The following PCDH9 variants were observed in gnomAD, a reference collection of about 807,000 sequenced individuals.
The protein encoded by PCDH9 is protocadherin 9.
A neutral mutation model predicts 70.6 loss-of-function variants in PCDH9; 24 were observed. The observed-to-expected ratio is 0.34, with a 90% CI of 0.25 to 0.48. PCDH9 has a LOEUF of 0.48. Ranked by LOEUF, PCDH9 falls within the 20% of genes least tolerant of loss-of-function variation. PCDH9 has a pLI of 0.99. For missense variants in PCDH9, 1,281 were observed against 1,503.6 expected (o/e 0.85, Z 2.45); for synonymous variants, 562 against 558.5 (o/e 1.01, Z -0.09).
chr13:66,722,037 A>T (rs1451498549), intron 3 of PCDH9, among the ~76,000 whole-genome samples: 2 of 152,106 alleles, frequency 1.3e-5, no homozygotes, highest in African/African-American at 4.8e-5. Flanking sequence ...ATCTTCCACC[A>T]TTATCTAAAT....
intron 3 of PCDH9, among the ~76,000 whole-genome samples, chr13:66,811,385 T>C (rs1351213877): frequency 1.3e-5 from 2 of 152,210 alleles, no homozygotes; most frequent in African/African-American, 4.8e-5. Flanking sequence ...AGGTATATGA[T>C]TGTCAAAGAT....
At chr13:66,649,711 A>G (rs905629269) in intron 3 of PCDH9, among the ~76,000 whole-genome samples, 6 of 152,102 alleles carry the variant, frequency 3.9e-5, no homozygotes, top group Non-Finnish European at 5.9e-5. Context: ...TTTCTTGAGT[A>G]GAAAGACTAG....
chr13:67,171,600 C>A (rs542216899), intron 2 of PCDH9, among the ~76,000 whole-genome samples: 1 of 152,272 alleles, frequency 6.6e-6, no homozygotes, highest in South Asian at 2.1e-4. Context: ...TTATGTTATA[C>A]CTTTATCTTT....
intron 4 of PCDH9, among the ~76,000 whole-genome samples, chr13:66,504,089 C>T (rs1959191362): frequency 6.6e-6 from 1 of 152,186 alleles, no homozygotes; most frequent in Admixed American, 6.5e-5. Flanking sequence ...CCTTAATTCC[C>T]TGCCTCTCCC....
At chr13:66,630,870 A>G (rs2077561803) in intron 4 of PCDH9, 1 of 176,146 alleles carries the variant, frequency 5.7e-6, no homozygotes, top group Admixed American at 6.0e-5. Context: ...TTCATTGACT[A>G]TTCTACTTAA....
intron 4 of PCDH9, among the ~76,000 whole-genome samples, chr13:66,348,352 G>C (rs966496424): frequency 5.3e-5 from 8 of 151,486 alleles, no homozygotes; most frequent in Non-Finnish European, 1.0e-4. Flanking sequence ...ACTGCCCCAT[G>C]TCATAAACAA....
At chr13:66,507,512 T>G (rs1959243204) in intron 4 of PCDH9, among the ~76,000 whole-genome samples, 1 of 152,156 alleles carries the variant, frequency 6.6e-6, no homozygotes, top group Admixed American at 6.5e-5. Context: ...TTTGTAGCTG[T>G]TGTTTATTGT....
intron 3 of PCDH9, among the ~76,000 whole-genome samples, chr13:66,814,291 C>T (rs1409059274): frequency 6.6e-6 from 1 of 152,084 alleles, no homozygotes; most frequent in East Asian, 1.9e-4. Flanking sequence ...ATTTAAGCTC[C>T]AGCAACTGCA....
chr13:66,333,928 C>T (rs1955986350), intron 4 of PCDH9, among the ~76,000 whole-genome samples: 1 of 151,922 alleles, frequency 6.6e-6, no homozygotes, highest in Admixed American at 6.6e-5. Context: ...TACACTCTTA[C>T]TGATACATAA....
chr13:67,217,134 A>G (rs1487218871), intron 2 of PCDH9: 1 of 152,060 alleles, frequency 6.6e-6, no homozygotes, highest in Non-Finnish European at 1.5e-5. Context: ...AACCACCAGT[A>G]TTTTTCTTTC....
chr13:67,015,027 A>G (rs1489347746), intron 2 of PCDH9, among the ~76,000 whole-genome samples: 1 of 152,138 alleles, frequency 6.6e-6, no homozygotes, highest in African/African-American at 2.4e-5. Flanking sequence ...GGTCCTAGTC[A>G]AGTTTCCTTG....
At position 66,695,577 on chromosome 13, in the gene PCDH9, G is replaced by A. The variant is rs2181536; in HGVS notation, c.3139-64166C>T. Among the ~76,000 whole-genome samples the A allele has an allele frequency of 3.5e-3, 539 of 152,286 alleles. 2 individuals carry two copies. The highest frequency in any genetic ancestry group is 0.012 in the African/African-American group (506 of 41,552). ...ATTATACCATAATTACATAGCAAGA[G>A]AGGTTTTGAAATCAGTTTAGATACT... On this transcript the variant is annotated intron_variant, in intron 3 of 4. Transcript: ENST00000377865.
At chr13:67,192,024 T>A (rs2088929547) in intron 2 of PCDH9, among the ~76,000 whole-genome samples, 2 of 151,798 alleles carry the variant, frequency 1.3e-5, no homozygotes, top group Non-Finnish European at 2.9e-5. Flanking sequence ...AAACATGTTG[T>A]ACAAGTGTAA....
At chr13:67,200,428 T>A (rs1402234596) in intron 2 of PCDH9, among the ~76,000 whole-genome samples, 1 of 152,080 alleles carries the variant, frequency 6.6e-6, no homozygotes, top group Non-Finnish European at 1.5e-5. Context: ...CATGATGGTA[T>A]AGGGTTTGTG....
At chr13:67,094,787 T>A (rs1057052467) in intron 2 of PCDH9, among the ~76,000 whole-genome samples, 1 of 152,176 alleles carries the variant, frequency 6.6e-6, no homozygotes. Flanking sequence ...ATCTTGTGAA[T>A]TTTCTGAATT....
rs28565099 is a variant in PCDH9 at position 66,322,257 on chromosome 13, A to T, written c.3341-17229T>A. On this transcript the variant is annotated intron_variant, in intron 4 of 4. Coordinates refer to ENST00000377865, the MANE Select transcript of PCDH9 (RefSeq NM_203487.3). ...GAATGGAGAAAAGCCAAGCCATTCCATTCCCTCTGGTTATCTCAATGACAG... is the reference window on the plus strand; with the variant it reads ...GAATGGAGAAAAGCCAAGCCATTCCTTTCCCTCTGGTTATCTCAATGACAG... Among the ~76,000 whole-genome samples, 1,427 of 152,040 alleles carry T rather than the reference A, an allele frequency of 9.4e-3. 46 individuals carry two copies. The highest frequency in any genetic ancestry group is 0.032 in the African/African-American group (1,338 of 41,384).
At chr13:66,652,044 C>T (rs533373502) in intron 3 of PCDH9, among the ~76,000 whole-genome samples, 8 of 152,070 alleles carry the variant, frequency 5.3e-5, no homozygotes, top group Admixed American at 2.0e-4. Context: ...AGACCCAGAG[C>T]TAGTGTCATA....
chr13:67,222,243 T>TTG (rs386379591), intron 2 of PCDH9: 15 of 9,068 alleles, frequency 1.7e-3, no homozygotes, highest in East Asian at 0.029. Flanking sequence ...AACTTTGTTG[T>TTG]TTTTTTTTTT....
chr13:66,327,036 A>G (rs1203083481), intron 4 of PCDH9, among the ~76,000 whole-genome samples: 1 of 151,902 alleles, frequency 6.6e-6, no homozygotes, highest in Admixed American at 6.6e-5. Context: ...GGCAGTCCAA[A>G]TTGTCTTTCT....
Sources: allele counts gnomAD v4.1 joint callset (sites outside exome capture counted in the v4.1 genomes callset), GRCh38; gene constraint gnomAD v4.1.1; transcripts MANE v1.5; gene names NCBI Gene and HGNC (gene_info 2026-07-23, HGNC 2026-07-21).